Variants in POLA1 observed in about 807,000 individuals in gnomAD.
The protein encoded by POLA1 is DNA polymerase alpha catalytic subunit.
A neutral mutation model predicts 124.0 loss-of-function variants in POLA1; 15 were observed. The ratio of observed to expected loss-of-function variants is 0.12; its 90% CI spans 0.08 to 0.19. POLA1 has a LOEUF of 0.19. Ranked by LOEUF, POLA1 falls within the 10% of genes least tolerant of loss-of-function variation. The pLI is 1.00. For synonymous variants in POLA1, 408 were observed against 389.4 expected, an observed-to-expected ratio of 1.05 and a Z score of -0.56; for missense variants, 886 against 1,103.4, an observed-to-expected ratio of 0.80 and a Z score of 2.79.
intron 34 of POLA1, among the ~76,000 whole-genome samples, chrX:24,864,955 C>T (rs950342088): frequency 1.8e-5 from 2 of 111,943 alleles, no homozygotes; most frequent in African/African-American, 6.5e-5. Context: ...TAAATGGTAT[C>T]ATTTAATTCT....
intron 1 of POLA1, among the ~76,000 whole-genome samples, chrX:24,696,816 A>T (rs1602234557): frequency 9.0e-6 from 1 of 110,811 alleles, no homozygotes. Context: ...TGGTTCTCCT[A>T]CTCACTCTAC....
At chrX:24,919,844 TG>T (rs1473549002) in intron 35 of POLA1, among the ~76,000 whole-genome samples, 25 of 63,511 alleles carry the variant, frequency 3.9e-4, no homozygotes, top group African/African-American at 5.4e-4. Context: ...TTTGTTTTTC[TG>T]TTTTTTTTTT....
intron 34 of POLA1, among the ~76,000 whole-genome samples, chrX:24,879,943 A>G (rs1282685206): frequency 8.9e-6 from 1 of 111,792 alleles, no homozygotes; most frequent in Non-Finnish European, 1.9e-5. Context: ...GTATAACGAG[A>G]GAAGATGGCT....
chrX:24,894,483 G>A (rs1239684227), intron 35 of POLA1, among the ~76,000 whole-genome samples: 1 of 112,372 alleles, frequency 8.9e-6, no homozygotes, highest in African/African-American at 3.2e-5. Context: ...TAATAGAAAT[G>A]TATTACAGCT....
At position 24,910,800 on chromosome X, in the gene POLA1, T is replaced by C. The variant is rs762478074; in HGVS notation, c.4165-19653T>C. Among the ~76,000 whole-genome samples, 4 of 111,929 alleles carry C rather than the reference T, an allele frequency of 3.6e-5. No individual in the cohort carries two copies. In the South Asian group the frequency reaches 1.1e-3, roughly 31 times the overall value. On this transcript the variant is annotated intron_variant, in intron 35 of 36. Transcript: ENST00000379068. ...AGGAAAAATAGATAATCCACAATTATACTTCGCAAGCGTGACACTACTCTC... is the reference window on the plus strand; with the variant it reads ...AGGAAAAATAGATAATCCACAATTACACTTCGCAAGCGTGACACTACTCTC...
At chrX:24,784,254 T>C (rs1427960348) in intron 26 of POLA1, among the ~76,000 whole-genome samples, 1 of 107,843 alleles carries the variant, frequency 9.3e-6, no homozygotes, top group African/African-American at 3.4e-5. Context: ...GATTTCACCA[T>C]GTTGGCCACT....
In POLA1 at chrX:24,902,593, T is replaced by A. The variant is rs750758610; in HGVS notation, c.4164+14471T>A. Among the ~76,000 whole-genome samples the A allele has an allele frequency of 5.4e-5, 6 of 111,854 alleles. No homozygotes were observed. In the South Asian group the frequency reaches 1.9e-3, roughly 35 times the overall value. On this transcript the variant is annotated intron_variant, in intron 35 of 36. Transcript: ENST00000379068. ...GGCAAATCTTGAAATTAAGAAAGTATTAAGGGTGTGCTCCATACTCTGTTC... is the reference window on the plus strand; with the variant it reads ...GGCAAATCTTGAAATTAAGAAAGTAATAAGGGTGTGCTCCATACTCTGTTC...
chrX:24,924,093 A>G (rs910048572), intron 35 of POLA1, among the ~76,000 whole-genome samples: 6 of 112,012 alleles, frequency 5.4e-5, no homozygotes, highest in Non-Finnish European at 7.5e-5. Flanking sequence ...TGTTCCTTAG[A>G]CAAAACTTTC....
At chrX:24,876,084 T>G (rs1192662148) in intron 34 of POLA1, among the ~76,000 whole-genome samples, 2 of 112,232 alleles carry the variant, frequency 1.8e-5, no homozygotes, top group Non-Finnish European at 3.8e-5. Context: ...TGAGGTGGTG[T>G]TTACTAAAAT....
chrX:24,856,307 G>A (rs2046644737), intron 34 of POLA1, among the ~76,000 whole-genome samples: 1 of 112,100 alleles, frequency 8.9e-6, no homozygotes, highest in South Asian at 3.7e-4. Context: ...CAGCCTTTGA[G>A]ACTATCTTCT....
chrX:24,948,890 G>C (rs1430428845), intron 36 of POLA1, among the ~76,000 whole-genome samples: 2 of 111,782 alleles, frequency 1.8e-5, no homozygotes, highest in African/African-American at 6.5e-5. Context: ...TTTTCCAATG[G>C]AGTAGCAATA....
chrX:24,986,045 G>T (rs948623037), intron 36 of POLA1, among the ~76,000 whole-genome samples: 2 of 111,718 alleles, frequency 1.8e-5, no homozygotes, highest in African/African-American at 6.5e-5. Flanking sequence ...GGTGGCACTT[G>T]CCTGTAATCC....
chrX:24,962,474 C>T (rs752918949), intron 36 of POLA1, among the ~76,000 whole-genome samples: 1 of 111,932 alleles, frequency 8.9e-6, no homozygotes, highest in Non-Finnish European at 1.9e-5. Context: ...AGCTGATAAT[C>T]ATAACTAATA....
At chrX:24,814,864 A>G in intron 29 of POLA1, 115 bp from the exon 30 acceptor site, 1 of 686,555 alleles carries the variant, frequency 1.5e-6, no homozygotes, top group Admixed American at 4.1e-5. Flanking sequence ...TACTGTAGCT[A>G]ATGTTAACCA....
At chrX:24,948,682 T>C (rs1411761426) in intron 36 of POLA1, among the ~76,000 whole-genome samples, 3 of 112,671 alleles carry the variant, frequency 2.7e-5, no homozygotes, top group Non-Finnish European at 3.8e-5. Flanking sequence ...TATGCTTCAA[T>C]ATAATAGAAA....
At chrX:24,699,396 T>A (rs1168781442) in intron 1 of POLA1, 29 bp from the exon 2 acceptor site, 11 of 1,124,137 alleles carry the variant, frequency 9.8e-6, no homozygotes, top group Non-Finnish European at 1.2e-5. Context: ...TTTTGTAACA[T>A]CTGTTGTAAA....
chrX:24,863,725 T>C (rs192742595), intron 34 of POLA1, among the ~76,000 whole-genome samples: 1 of 111,523 alleles, frequency 9.0e-6, no homozygotes, highest in African/African-American at 3.3e-5. Flanking sequence ...ATATTTTGCA[T>C]TAATGGTGCT....
In POLA1 at chrX:24,742,167, C is replaced by A. The variant is rs368459489; in HGVS notation, c.2466+46C>A. 9.4e-5 allele frequency: 83 copies of A among 878,482 alleles called. No individual in the cohort carries two copies. In the East Asian group the frequency reaches 2.4e-3, roughly 26 times the overall value. 72.4% of individuals were successfully genotyped at this position (878,482 alleles called of 1,213,427 possible). The stretch of plus-strand genomic sequence containing the variant: ...TATTTTGTTTTCTCTTAACCCCCCC[C>A]CCCCTTTTAATACCTAGATAGCCTT... On this transcript the variant is annotated intron_variant, in intron 22 of 36. Coordinates refer to ENST00000379068, the MANE Select transcript of POLA1 (RefSeq NM_001330360.2).
At chrX:24,802,190 A>G (rs775965504) in intron 26 of POLA1, among the ~76,000 whole-genome samples, 62 of 111,063 alleles carry the variant, frequency 5.6e-4, no homozygotes, top group African/African-American at 2.0e-3. Flanking sequence ...ACTGATTTAA[A>G]TGTTAATCTC....
Sources: gnomAD v4.1 joint callset for allele counts (sites outside exome capture counted in the v4.1 genomes callset) on GRCh38, gnomAD v4.1.1 for gene constraint, MANE v1.5 for transcripts, NCBI Gene and HGNC (gene_info 2026-07-23, HGNC 2026-07-21) for gene names.